Variants in TSPEAR observed in about 807,000 individuals in gnomAD.
TSPEAR encodes thrombospondin type laminin G domain and EAR repeats.
Under a neutral mutation model 71.6 loss-of-function variants are expected in TSPEAR, and 69 were observed. That is an observed-to-expected ratio of 0.96 (90% CI 0.79 to 1.18). TSPEAR has a LOEUF of 1.18. TSPEAR is among the 50% of genes most tolerant of loss of function. The pLI is 0.00. For synonymous variants in TSPEAR, 402 were observed against 387.2 expected, an observed-to-expected ratio of 1.04 and a Z score of -0.45; for missense variants, 971 against 894.9, an observed-to-expected ratio of 1.09 and a Z score of -1.09.
chr21:44,581,789 C>A (rs1049238216), intron 1 of TSPEAR, among the ~76,000 whole-genome samples: 8 of 152,176 alleles, frequency 5.3e-5, no homozygotes, highest in Non-Finnish European at 1.0e-4. Flanking sequence ...AGCATTTAAA[C>A]GTTTTTCCCC....
intron 2 of TSPEAR, among the ~76,000 whole-genome samples, chr21:44,565,226 AAAG>A (rs140733466): frequency 0.011 from 1,619 of 152,274 alleles, 26 homozygotes; most frequent in African/African-American, 0.037. Context: ...GATGCTGGAG[AAAG>A]AAGAGCCAAC....
At chr21:44,666,838 G>A (rs1490876376) in intron 1 of TSPEAR, 3 of 1,609,422 alleles carry the variant, frequency 1.9e-6, no homozygotes, top group Non-Finnish European at 2.5e-6. Context: ...CAGGGGCTGG[G>A]CGCGCAGCAG....
chr21:44,569,025 G>A (rs587714805), intron 1 of TSPEAR, among the ~76,000 whole-genome samples: 104 of 152,240 alleles, frequency 6.8e-4, no homozygotes, highest in Non-Finnish European at 1.1e-3. Flanking sequence ...TTCCTCCCCC[G>A]CCTGCCTGCA....
At chr21:44,571,958 G>C (rs937206019) in intron 1 of TSPEAR, among the ~76,000 whole-genome samples, 7 of 152,230 alleles carry the variant, frequency 4.6e-5, no homozygotes, top group African/African-American at 1.7e-4. Flanking sequence ...CCCCGGAGGG[G>C]CACCAGCACT....
intron 1 of TSPEAR, among the ~76,000 whole-genome samples, chr21:44,657,733 A>G (rs782691342): frequency 4.6e-5 from 7 of 152,226 alleles, no homozygotes; most frequent in Non-Finnish European, 7.3e-5. Flanking sequence ...ATAACGTCAA[A>G]CCAGAACATC....
chr21:44,591,587 A>G (rs465279), intron 1 of TSPEAR: 530,872 of 1,609,338 alleles, frequency 0.33, 95,196 homozygotes, highest in African/African-American at 0.71. Flanking sequence ...GAGGAGGAGG[A>G]TCTGCAGCAG....
rs372907145 is a variant in TSPEAR at position 44,655,706 on chromosome 21, C to T, written c.82+55727G>A. ...AAGCAGCGGGCAGGAGTGTGGATGA[C>T]ACGCTCCTCCTCACACTCCAGCTCT... On this transcript the variant is annotated intron_variant, in intron 1 of 11. Transcript: ENST00000323084. Among the ~76,000 whole-genome samples the T allele has an allele frequency of 6.6e-5, 10 of 152,270 alleles. No individual in the cohort carries two copies. In the East Asian group the frequency reaches 1.7e-3, roughly 26 times the overall value.
chr21:44,616,358 G>T (rs1569221582), intron 1 of TSPEAR, among the ~76,000 whole-genome samples: 2 of 152,168 alleles, frequency 1.3e-5, no homozygotes, highest in African/African-American at 2.4e-5. Context: ...TTGGGGGTGG[G>T]CACCTCCCTT....
At chr21:44,688,499 T>C (rs569504505) in intron 1 of TSPEAR, among the ~76,000 whole-genome samples, 30 of 152,028 alleles carry the variant, frequency 2.0e-4, no homozygotes, top group Admixed American at 1.3e-4. Flanking sequence ...GGAGGGCAGA[T>C]CATGAGGTCA....
intron 2 of TSPEAR, chr21:44,550,400 C>T (rs1457724770): frequency 6.3e-5 from 37 of 589,304 alleles, no homozygotes; most frequent in Non-Finnish European, 9.3e-5. Context: ...CAGAGGGTGA[C>T]GCTCCTGGGG....
intron 1 of TSPEAR, among the ~76,000 whole-genome samples, chr21:44,670,032 C>T (rs1555945592): frequency 6.6e-6 from 1 of 152,170 alleles, no homozygotes; most frequent in African/African-American, 2.4e-5. Flanking sequence ...ACATAAGTCT[C>T]AGAAGATTAC....
At chr21:44,692,305 T>C (rs937259248) in intron 1 of TSPEAR, among the ~76,000 whole-genome samples, 2 of 152,170 alleles carry the variant, frequency 1.3e-5, no homozygotes, top group Non-Finnish European at 2.9e-5. Context: ...CAAGACAGGA[T>C]GTCCCTTTTC....
At chr21:44,555,324 C>T (rs2053507571) in intron 2 of TSPEAR, among the ~76,000 whole-genome samples, 1 of 152,210 alleles carries the variant, frequency 6.6e-6, no homozygotes. Flanking sequence ...AGAGACGTCT[C>T]CCAGGTCCGA....
At chr21:44,539,867 C>G in intron 2 of TSPEAR, 1 of 1,578,112 alleles carries the variant, frequency 6.3e-7, no homozygotes, top group Non-Finnish European at 8.6e-7. Context: ...GGCCTGCTGG[C>G]AGGGGGAGGA....
At chr21:44,599,134 T>TTCTCTCTCTCTCTCCCTCTCTCTC (rs1980578147) in intron 1 of TSPEAR, among the ~76,000 whole-genome samples, 1 of 92,280 alleles carries the variant, frequency 1.1e-5, no homozygotes, top group Non-Finnish European at 2.4e-5. Context: ...GGCCCCCATT[T>TTCTCTCTCTCTCTCCCTCTCTCTC]TCTCTCTCTC....
At chr21:44,604,695 C>T (rs1370877330) in intron 1 of TSPEAR, among the ~76,000 whole-genome samples, 1 of 152,254 alleles carries the variant, frequency 6.6e-6, no homozygotes, top group Admixed American at 6.5e-5. Flanking sequence ...TTCAGCTTTT[C>T]ACCACTGAGT....
At chr21:44,649,602 T>A (rs955511285) in intron 1 of TSPEAR, among the ~76,000 whole-genome samples, 1 of 152,162 alleles carries the variant, frequency 6.6e-6, no homozygotes, top group African/African-American at 2.4e-5. Context: ...GCTGGCTCTG[T>A]CGGGGCAGCC....
At chr21:44,685,089 C>T (rs532228153) in intron 1 of TSPEAR, among the ~76,000 whole-genome samples, 2 of 152,260 alleles carry the variant, frequency 1.3e-5, no homozygotes, top group South Asian at 2.1e-4. Context: ...TGAGACCCCA[C>T]TTGGTCTTCA....
intron 1 of TSPEAR, among the ~76,000 whole-genome samples, chr21:44,624,821 T>A (rs782075374): frequency 1.1e-4 from 16 of 152,328 alleles, no homozygotes; most frequent in African/African-American, 3.6e-4. Context: ...AATGCCTCAA[T>A]AAGAAAATCC....
Sources: allele counts gnomAD v4.1 joint callset (sites outside exome capture counted in the v4.1 genomes callset), GRCh38; gene constraint gnomAD v4.1.1; transcripts MANE v1.5; gene names NCBI Gene and HGNC (gene_info 2026-07-23, HGNC 2026-07-21).